The following APBB2 variants were observed in gnomAD, a reference collection of about 807,000 sequenced individuals.
APBB2 encodes the protein Fe65-like 1.
APBB2 carries 38 observed loss-of-function variants against 82.5 expected under a neutral mutation model. The ratio of observed to expected loss-of-function variants is 0.46; its 90% CI spans 0.36 to 0.60. APBB2 has a LOEUF of 0.60. Among genes scored for constraint, APBB2 ranks in the 20% least tolerant of loss-of-function variants. The pLI is 0.00. For synonymous variants in APBB2, 341 were observed against 368.2 expected (o/e 0.93, Z 0.85); for missense variants, 772 against 972.3 (o/e 0.79, Z 2.74).
chr4:40,975,553 C>T (rs564552486), intron 6 of APBB2, among the ~76,000 whole-genome samples: 9 of 152,220 alleles, frequency 5.9e-5, no homozygotes, highest in Non-Finnish European at 1.2e-4. Context: ...CTGGTACATG[C>T]TGCACGTTAT....
intron 4 of APBB2, among the ~76,000 whole-genome samples, chr4:41,050,771 C>G (rs1725637686): frequency 6.6e-6 from 1 of 152,156 alleles, no homozygotes; most frequent in South Asian, 2.1e-4. Flanking sequence ...AACAGAAGTC[C>G]AAATTGTCAA....
intron 6 of APBB2, among the ~76,000 whole-genome samples, chr4:40,958,399 C>G (rs1792232200): frequency 6.6e-6 from 1 of 152,122 alleles, no homozygotes; most frequent in Non-Finnish European, 1.5e-5. Flanking sequence ...AACTTAAAAT[C>G]TGAGTGAAGA....
In APBB2 at chr4:40,934,534, A is replaced by C. The variant is rs1426643454; in HGVS notation, c.1194-18T>G. On this transcript the variant is annotated intron_variant, in intron 9 of 17. Coordinates refer to ENST00000508593, the MANE Select transcript of APBB2 (RefSeq NM_004307.2). ...GGGCATTTCTAGGCAGAAAAACAGA[A>C]AAGTGGACTTAGAATTCTATTGCAA... 1 of 1,614,018 alleles carries C rather than the reference A, an allele frequency of 6.2e-7. No individual in the cohort carries two copies. The highest frequency in any genetic ancestry group is 2.2e-5 in the East Asian group (1 of 44,886).
At chr4:41,139,211 C>T (rs1758423971) in intron 2 of APBB2, among the ~76,000 whole-genome samples, 1 of 152,076 alleles carries the variant, frequency 6.6e-6, no homozygotes, top group Admixed American at 6.5e-5. Flanking sequence ...GCTGGCTCAA[C>T]ATTCAAGTAT....
chr4:40,839,577 G>T (rs969275920), intron 12 of APBB2, among the ~76,000 whole-genome samples: 1 of 152,092 alleles, frequency 6.6e-6, no homozygotes, highest in African/African-American at 2.4e-5. Flanking sequence ...TCAATAAATG[G>T]TAGGTACCAT....
intron 3 of APBB2, among the ~76,000 whole-genome samples, chr4:41,100,275 A>G (rs1441201155): frequency 2.0e-5 from 3 of 152,236 alleles, no homozygotes; most frequent in African/African-American, 7.2e-5. Context: ...CAAAATATCT[A>G]AAAGTCTAAA....
chr4:40,960,578 G>C (rs1350225224), intron 6 of APBB2, among the ~76,000 whole-genome samples: 4 of 151,324 alleles, frequency 2.6e-5, no homozygotes, highest in African/African-American at 9.7e-5. Context: ...CTCCTGAGTA[G>C]CTGGGACTAC....
At chr4:41,180,023 T>C (rs2154062024) in intron 1 of APBB2, among the ~76,000 whole-genome samples, 1 of 152,316 alleles carries the variant, frequency 6.6e-6, no homozygotes, top group African/African-American at 2.4e-5. Context: ...CATACTTAAA[T>C]TTCAATGCTG....
At chr4:40,831,489 C>T (rs1409076406) in intron 12 of APBB2, among the ~76,000 whole-genome samples, 1 of 152,130 alleles carries the variant, frequency 6.6e-6, no homozygotes. Context: ...AACTGAATTT[C>T]ACAGAACCCT....
At chr4:40,973,566 T>C (rs1039897668) in intron 6 of APBB2, among the ~76,000 whole-genome samples, 3 of 152,232 alleles carry the variant, frequency 2.0e-5, no homozygotes, top group African/African-American at 4.8e-5. Context: ...TTCCTAGGGC[T>C]GCTGTACCAA....
chr4:41,037,931 A>C (rs1719879418), intron 4 of APBB2, among the ~76,000 whole-genome samples: 1 of 152,200 alleles, frequency 6.6e-6, no homozygotes, highest in Admixed American at 6.5e-5. Flanking sequence ...TGTTTCCATA[A>C]AAATGACATA....
At chr4:41,017,593 A>G (rs1810362750) in intron 5 of APBB2, among the ~76,000 whole-genome samples, 1 of 152,250 alleles carries the variant, frequency 6.6e-6, no homozygotes. Flanking sequence ...ACTTGCCTAC[A>G]GGGAGTTTAT....
chr4:41,031,233 T>A (rs1009528530), intron 5 of APBB2, among the ~76,000 whole-genome samples: 1 of 150,704 alleles, frequency 6.6e-6, no homozygotes, highest in Non-Finnish European at 1.5e-5. Context: ...TCAAAAAAAA[T>A]TTAAATAAAT....
intron 6 of APBB2, among the ~76,000 whole-genome samples, chr4:40,987,384 A>T (rs1478770959): frequency 6.6e-6 from 1 of 152,202 alleles, no homozygotes; most frequent in Non-Finnish European, 1.5e-5. Flanking sequence ...AAGTTACACA[A>T]TCATCAGCGG....
chr4:41,016,569 T>C (rs1453814309), intron 5 of APBB2, among the ~76,000 whole-genome samples: 2 of 152,128 alleles, frequency 1.3e-5, no homozygotes, highest in African/African-American at 4.8e-5. Context: ...GAGAATCGCT[T>C]GAACTCGGGA....
rs896302696 is a variant in APBB2, at chr4:40,912,001, G to A, written c.1255-18590C>T. 6.6e-5 allele frequency among the ~76,000 whole-genome samples: 10 copies of A among 152,204 alleles called. No individual in the cohort carries two copies. The East Asian group carries it at 7.7e-4, about 12-fold the overall frequency. On this transcript the variant is annotated intron_variant, in intron 10 of 17. Coordinates refer to ENST00000508593, the MANE Select transcript of APBB2 (RefSeq NM_004307.2). ...GGAACAGGCCTGCAGAAGCTTTGGA[G>A]AGTATGGTTTGGACTATTCCTGCAC...
At chr4:40,825,704 C>A (rs2154298471) in intron 15 of APBB2, 183 bp downstream of exon 15, 1 of 583,754 alleles carries the variant, frequency 1.7e-6, no homozygotes, top group South Asian at 1.9e-5. Flanking sequence ...AGCAGCGGGG[C>A]CTGTCCCTCT....
rs77825389 is a variant in APBB2, at chr4:41,129,584, C to T, written c.-261+13403G>A. The stretch of plus-strand genomic sequence containing the variant: ...CTGTTGTGCCTCACTGAACCATGTG[C>T]GCTGGGGCAGGGCTTGTGTCTTTGC... On this transcript the variant is annotated intron_variant, in intron 2 of 17. Coordinates refer to ENST00000508593, the MANE Select transcript of APBB2 (RefSeq NM_004307.2). Among the ~76,000 whole-genome samples, 316 of 152,272 alleles carry T rather than the reference C, an allele frequency of 2.1e-3. 1 individual carries two copies. The highest frequency in any genetic ancestry group is 7.3e-3 in the African/African-American group (302 of 41,540).
intron 6 of APBB2, among the ~76,000 whole-genome samples, chr4:40,961,379 T>C (rs1452090842): frequency 6.6e-6 from 1 of 150,604 alleles, no homozygotes; most frequent in Non-Finnish European, 1.5e-5. Flanking sequence ...TCATTCTCAG[T>C]AAACTATCGC....
Sources: allele counts gnomAD v4.1 joint callset (sites outside exome capture counted in the v4.1 genomes callset), GRCh38; gene constraint gnomAD v4.1.1; transcripts MANE v1.5; gene names NCBI Gene and HGNC (gene_info 2026-07-23, HGNC 2026-07-21).